The following ATRX variants were observed in gnomAD, a reference collection of about 807,000 sequenced individuals.
The protein encoded by ATRX is ATRX chromatin remodeler.
A neutral mutation model predicts 172.6 loss-of-function variants in ATRX; 12 were observed. The ratio of observed to expected loss-of-function variants is 0.07; its 90% confidence interval spans 0.04 to 0.11. ATRX has a LOEUF of 0.11. Ranked by LOEUF, ATRX falls within the 10% of genes least tolerant of loss-of-function variation. The pLI is 1.00. For synonymous variants in ATRX, 674 were observed against 594.7 expected (o/e 1.13, Z -1.94); for missense variants, 1,368 against 1,767.4 (o/e 0.77, Z 4.05).
At chrX:77,710,156 G>A (rs1411695500) in intron 2 of ATRX, among the ~76,000 whole-genome samples, 3 of 109,843 alleles carry the variant, frequency 2.7e-5, no homozygotes, top group Admixed American at 9.8e-5. Flanking sequence ...AAAATTAGCC[G>A]GGTGTGGTGG....
intron 1 of ATRX, among the ~76,000 whole-genome samples, chrX:77,748,476 C>A (rs1557186077): frequency 8.9e-6 from 1 of 112,105 alleles, no homozygotes; most frequent in African/African-American, 3.2e-5. Context: ...TTAAAAATAT[C>A]TTTTATACCT....
chrX:77,589,704 T>C (rs1488784515), intron 27 of ATRX, 130 bp downstream of exon 27: 5 of 502,818 alleles, frequency 9.9e-6, no homozygotes, highest in East Asian at 3.7e-5. Flanking sequence ...CAAATAGACA[T>C]TGCAAAAAAA....
rs45613931 is a variant in ATRX, at chrX:77,587,430, C to A, written c.6217+2404G>T. On this transcript the variant is annotated intron_variant, in intron 27 of 34. Coordinates refer to ENST00000373344, the MANE Select transcript of ATRX (RefSeq NM_000489.6). ...GATAGTATGTCACACTCTTTCATGACAAACACATTTAACAAACTAGAAAGA... is the reference window on the plus strand; with the variant it reads ...GATAGTATGTCACACTCTTTCATGAAAAACACATTTAACAAACTAGAAAGA... 8.5e-3 allele frequency among the ~76,000 whole-genome samples: 953 copies of A among 111,549 alleles called. 10 individuals carry two copies. The highest frequency in any genetic ancestry group is 0.029 in the African/African-American group (888 of 30,793).
intron 13 of ATRX, among the ~76,000 whole-genome samples, chrX:77,656,165 T>G (rs2069540522): frequency 9.0e-6 from 1 of 111,624 alleles, no homozygotes; most frequent in Non-Finnish European, 1.9e-5. Flanking sequence ...CAATAGTCAG[T>G]CAAGTATATT....
At chrX:77,590,669 A>G (rs2066213962) in intron 26 of ATRX, among the ~76,000 whole-genome samples, 1 of 109,835 alleles carries the variant, frequency 9.1e-6, no homozygotes, top group Admixed American at 9.8e-5. Flanking sequence ...CATCCACATG[A>G]CAAAAACAAT....
Position 77,681,555 on chromosome X carries a change from A to C in ATRX, c.3701T>G (p.Val1234Gly), listed in dbSNP as rs782816523. Reference protein sequence around the residue: ...QKIKPVTENLVLSSHTGFCQS... With the variant: ...QKIKPVTENLGLSSHTGFCQS... Reference sequence around the variant, plus strand: ...GCAAAATCCAGTATGTGAAGACAGCACTAAATTTTCAGTCACAGGCTTAAT... The same window carrying C: ...GCAAAATCCAGTATGTGAAGACAGCCCTAAATTTTCAGTCACAGGCTTAAT... Residue 1234 changes from valine (V) to glycine (G), a missense_variant, in exon 9 of 35, where the codon GTG becomes GGG. Coordinates refer to ENST00000373344, the MANE Select transcript of ATRX (RefSeq NM_000489.6). The C allele has an allele frequency of 7.4e-6, 9 of 1,208,157 alleles. No homozygotes were observed. The highest frequency in any genetic ancestry group is 1.0e-5 in the Non-Finnish European group (9 of 894,605).
chrX:77,711,840 A>AAACC (rs1236071041), intron 2 of ATRX, among the ~76,000 whole-genome samples: 1 of 112,291 alleles, frequency 8.9e-6, no homozygotes, highest in Non-Finnish European at 1.9e-5. Flanking sequence ...GTCTCAAAAA[A>AAACC]AACCAACCAA....
chrX:77,533,909 T>C (rs1557047415), intron 30 of ATRX, among the ~76,000 whole-genome samples: 3 of 112,451 alleles, frequency 2.7e-5, no homozygotes, highest in Non-Finnish European at 1.9e-5. Context: ...ACAGTGCTTA[T>C]ATAGTTATAC....
intron 34 of ATRX, among the ~76,000 whole-genome samples, chrX:77,509,917 G>GT (rs1391417462): frequency 1.3e-5 from 1 of 74,424 alleles, no homozygotes. Context: ...GGGGCGGGGG[G>GT]GGGGGGCACA....
At chrX:77,690,728 A>T (rs1290684392) in intron 6 of ATRX, 1 of 112,367 alleles carries the variant, frequency 8.9e-6, no homozygotes, top group Admixed American at 9.4e-5. Flanking sequence ...TCAAACAATG[A>T]TTTCATTCAG....
chrX:77,678,545 G>A (rs1557135185), intron 9 of ATRX, among the ~76,000 whole-genome samples: 1 of 112,157 alleles, frequency 8.9e-6, no homozygotes, highest in Admixed American at 9.4e-5. Flanking sequence ...CAAGTGCAGT[G>A]GCGCGATCGT....
intron 5 of ATRX, among the ~76,000 whole-genome samples, chrX:77,695,090 A>G (rs1218945458): frequency 9.2e-6 from 1 of 108,574 alleles, no homozygotes; most frequent in African/African-American, 3.3e-5. Flanking sequence ...AATTCTCCCT[A>G]GATTTCTTCT....
rs187303252 is a variant in ATRX at position 77,748,162 on chromosome X, T to C, written c.21-30919A>G. Among the ~76,000 whole-genome samples the C allele has an allele frequency of 5.7e-4, 64 of 112,259 alleles. No individual in the cohort carries two copies. The East Asian group carries it at 0.014, about 24-fold the overall frequency. On this transcript the variant is annotated intron_variant, in intron 1 of 34. Transcript: ENST00000373344. ...TTTTCTGATCCATGCATTTATTGTATATAAATTTAAAATAAAACAATATAA... is the reference window on the plus strand; with the variant it reads ...TTTTCTGATCCATGCATTTATTGTACATAAATTTAAAATAAAACAATATAA...
At chrX:77,765,918 ATC>A (rs1263632698) in intron 1 of ATRX, among the ~76,000 whole-genome samples, 1 of 109,269 alleles carries the variant, frequency 9.2e-6, no homozygotes, top group African/African-American at 3.3e-5. Context: ...GCCTTCAAGC[ATC>A]TGTTTAACAA....
At chrX:77,756,012 C>A (rs1356715599) in intron 1 of ATRX, among the ~76,000 whole-genome samples, 1 of 112,402 alleles carries the variant, frequency 8.9e-6, no homozygotes, top group African/African-American at 3.2e-5. Flanking sequence ...AAGCCCCTGA[C>A]TGGGGCTGCT....
intron 1 of ATRX, among the ~76,000 whole-genome samples, chrX:77,763,182 T>C (rs2148914772): frequency 9.2e-6 from 1 of 109,235 alleles, no homozygotes; most frequent in African/African-American, 3.3e-5. Context: ...CTCGCTCTTG[T>C]TGCCCAGGCT....
chrX:77,511,015 C>G (rs1230129676), intron 34 of ATRX, among the ~76,000 whole-genome samples: 1 of 112,731 alleles, frequency 8.9e-6, no homozygotes, highest in African/African-American at 3.2e-5. Context: ...TCAGGTCTAA[C>G]CCAGTGTGGT....
intron 15 of ATRX, among the ~76,000 whole-genome samples, chrX:77,644,144 GTTGGCTAGGCTGGTCTCGAAC>G (rs1557112485): frequency 8.9e-6 from 1 of 112,181 alleles, no homozygotes; most frequent in Non-Finnish European, 1.9e-5. Context: ...ATTTCACCAT[GTTGGCTAGGCTGGTCTCGAAC>G]TCCTGAATCC....
intron 10 of ATRX, 48 bp downstream of exon 10, chrX:77,676,178 C>T: frequency 8.8e-7 from 1 of 1,134,633 alleles, no homozygotes; most frequent in Middle Eastern, 2.4e-4. Flanking sequence ...GTGCCCATGC[C>T]TAGGGTGTGT....
Sources: gnomAD v4.1 joint callset for allele counts (sites outside exome capture counted in the v4.1 genomes callset) on GRCh38, gnomAD v4.1.1 for gene constraint, MANE v1.5 for transcripts, NCBI Gene and HGNC (gene_info 2026-07-23, HGNC 2026-07-21) for gene names.